The following SMG1 variants were observed in gnomAD, a reference collection of about 807,000 sequenced individuals.
SMG1 encodes serine/threonine-protein kinase SMG1.
A neutral mutation model predicts 419.9 loss-of-function variants in SMG1; 22 were observed. That is an observed-to-expected ratio of 0.05 (90% CI 0.04 to 0.07). The LOEUF (loss-of-function observed/expected upper bound fraction) is 0.07, where lower values mean the gene tolerates loss of function less well. Ranked by LOEUF, SMG1 falls within the 10% of genes least tolerant of loss-of-function variation. SMG1 has a pLI of 1.00. For missense variants in SMG1, 3,185 were observed against 4,342.0 expected (o/e 0.73, Z 7.49); for synonymous variants, 1,538 against 1,553.5 (o/e 0.99, Z 0.23).
At chr16:18,861,915 G>A (rs1358577303) in intron 25 of SMG1, among the ~76,000 whole-genome samples, 2 of 152,140 alleles carry the variant, frequency 1.3e-5, no homozygotes, top group African/African-American at 4.8e-5. Flanking sequence ...AAAGGTAAGG[G>A]CCAGTTAATC....
At chr16:18,894,427 G>A (rs2037024166) in intron 3 of SMG1, among the ~76,000 whole-genome samples, 1 of 152,070 alleles carries the variant, frequency 6.6e-6, no homozygotes, top group African/African-American at 2.4e-5. Context: ...TCTGTCACTA[G>A]CAAACTACAT....
At chr16:18,867,272 G>A (rs1190774630) in intron 22 of SMG1, among the ~76,000 whole-genome samples, 1 of 152,152 alleles carries the variant, frequency 6.6e-6, no homozygotes, top group Non-Finnish European at 1.5e-5. Context: ...AGTAGCTCAT[G>A]CCTGTAATCC....
intron 31 of SMG1, 46 bp downstream of exon 31, chr16:18,853,537 T>C (rs1596525566): frequency 1.4e-6 from 2 of 1,430,574 alleles, no homozygotes; most frequent in Admixed American, 2.8e-5. Flanking sequence ...CAGAAAAAAA[T>C]ATAGCTTCTA....
In SMG1 at chr16:18,836,513, G is replaced by A. The variant is rs781090827; in HGVS notation, c.7624C>T (p.Leu2542=). The A allele has an allele frequency of 1.2e-6, 2 of 1,613,912 alleles. No homozygotes were observed. Among genetic ancestry groups the A allele is most frequent in the South Asian group, 1.1e-5 (1 of 91,064 alleles). Residue 2542 remains leucine, a synonymous_variant, in exon 47 of 63, where the codon CTA becomes TTA. Coordinates refer to ENST00000446231, the MANE Select transcript of SMG1 (RefSeq NM_015092.5). The part of the protein sequence containing the change: ...LQHRYSEHTQ[L]QTQQRAVQEA... The stretch of plus-strand genomic sequence containing the variant: ...TGAACAGCTCTTTGCTGAGTCTGTA[G>A]TTGGGTGTGCTCAGAATACCTAATC...
At position 18,806,219 on chromosome 16, in the gene SMG1, A is replaced by T. The variant is rs1477474539; in HGVS notation, c.*3350T>A. 2 of 152,644 alleles carry T rather than the reference A, an allele frequency of 1.3e-5. No individual in the cohort carries two copies. Among genetic ancestry groups the T allele is most frequent in the Non-Finnish European group, 2.9e-5 (2 of 68,032 alleles). 9.5% of individuals were successfully genotyped at this position (152,644 alleles called of 1,614,324 possible). On this transcript the variant is annotated 3_prime_UTR_variant, in exon 63 of 63. Coordinates refer to ENST00000446231, the MANE Select transcript of SMG1 (RefSeq NM_015092.5). ...ACCACAATTAAAAAAACAAAAAACA[A>T]TGCAGATAACACCAAACATTGGACA...
intron 51 of SMG1, among the ~76,000 whole-genome samples, chr16:18,831,185 TTTC>T (rs1319576252): frequency 1.3e-5 from 2 of 152,234 alleles, no homozygotes; most frequent in Non-Finnish European, 2.9e-5. Context: ...CCAGGCACTA[TTTC>T]TTATCACACA....
rs544493975 is a variant in SMG1 at position 18,811,415 on chromosome 16, C to T, written c.10908+346G>A. Among the ~76,000 whole-genome samples the T allele has an allele frequency of 2.2e-3, 335 of 152,240 alleles. 1 individual carries two copies. The highest frequency in any genetic ancestry group is 7.8e-3 in the African/African-American group (325 of 41,538). On this transcript the variant is annotated intron_variant, in intron 62 of 62. Transcript: ENST00000446231. ...GCATATGAGTTTCTAATTAGGGATG[C>T]TCCACTCATACTACACCTGCAACCC...
At chr16:18,873,034 A>T (rs2035909861) in intron 13 of SMG1, among the ~76,000 whole-genome samples, 1 of 151,970 alleles carries the variant, frequency 6.6e-6, no homozygotes, top group Non-Finnish European at 1.5e-5. Flanking sequence ...TACACTTGTA[A>T]TCCCAGCTAC....
intron 7 of SMG1, 84 bp downstream of exon 7, chr16:18,885,457 T>C: frequency 2.6e-6 from 4 of 1,525,662 alleles, no homozygotes; most frequent in South Asian, 2.2e-5. Context: ...GCTGAGGCAT[T>C]GTTTTCCATC....
Position 18,858,290 on chromosome 16 carries a change from C to A in SMG1, c.4114G>T (p.Asp1372Tyr). 6.3e-6 allele frequency: 10 copies of A among 1,579,792 alleles called. No homozygotes were observed. The highest frequency in any genetic ancestry group is 8.5e-6 in the Non-Finnish European group (10 of 1,170,598). The change falls in exon 29 of 63, where the codon GAC becomes TAC. Residue 1372 changes from aspartate to tyrosine, a missense_variant and splice_region_variant. Asp to Tyr is a radical substitution (Grantham distance 160, BLOSUM62 -3). Coordinates refer to ENST00000446231, the MANE Select transcript of SMG1 (RefSeq NM_015092.5). ...TCACTGAAGAGTGGAATAAGACAGT[C>A]CTGCCAGAGAAAAACCAAAATTACT... The part of the protein sequence containing the change: ...NTVSNRLSTE[D>Y]CLIPLFSEAL...
intron 1 of SMG1, among the ~76,000 whole-genome samples, chr16:18,920,046 G>A (rs1375554897): frequency 2.0e-5 from 3 of 151,792 alleles, no homozygotes; most frequent in Admixed American, 6.6e-5. Flanking sequence ...AGCCAAGATC[G>A]TGCCACTGCA....
chr16:18,881,281 T>G (rs1221891315), intron 10 of SMG1, among the ~76,000 whole-genome samples: 1 of 152,094 alleles, frequency 6.6e-6, no homozygotes, highest in Non-Finnish European at 1.5e-5. Flanking sequence ...CTCTGTACAG[T>G]CTTCAAACAA....
At chr16:18,837,172 C>T in intron 46 of SMG1, 81 bp downstream of exon 46, 2 of 1,222,582 alleles carry the variant, frequency 1.6e-6, no homozygotes, top group South Asian at 1.8e-5. Context: ...TACAATAATT[C>T]TAATCCATAT....
In SMG1 at chr16:18,892,234, T is replaced by C; in HGVS notation, c.533A>G (p.Gln178Arg). 2 of 1,549,056 alleles carry C rather than the reference T, an allele frequency of 1.3e-6. No individual in the cohort carries two copies. Among genetic ancestry groups the C allele is most frequent in the Non-Finnish European group, 1.7e-6 (2 of 1,144,926 alleles). Residue 178 changes from glutamine (Q) to arginine (R), a missense_variant, in exon 4 of 63, where the codon CAA becomes CGA. Physicochemically the swap from Gln to Arg is conservative, Grantham distance 43. Around this residue, in one of 27 missense-constraint regions of SMG1, gnomAD observed 20 missense variants for 54.7 expected, o/e 0.37. Coordinates refer to ENST00000446231, the MANE Select transcript of SMG1 (RefSeq NM_015092.5). The part of the protein sequence containing the change: ...TVKQLKEFIQ[Q>R]PENKLVLVKQ... ...TATACTTACCAGCTTATTTTCTGGT[T>C]GCTGAATAAATTCTTTCAACTGCTT... is the stretch of plus-strand genomic sequence containing the variant.
chr16:18,907,633 A>G (rs1378124835), intron 1 of SMG1, among the ~76,000 whole-genome samples: 1 of 152,074 alleles, frequency 6.6e-6, no homozygotes, highest in Non-Finnish European at 1.5e-5. Context: ...GCGGATCATG[A>G]GGTCAGGAGT....
chr16:18,902,566 G>A (rs1449477808), intron 1 of SMG1, among the ~76,000 whole-genome samples: 1 of 152,048 alleles, frequency 6.6e-6, no homozygotes, highest in Non-Finnish European at 1.5e-5. Flanking sequence ...CAGGCGAGGT[G>A]GTATGCGCCC....
intron 45 of SMG1, among the ~76,000 whole-genome samples, chr16:18,837,793 A>C (rs1482739590): frequency 6.6e-6 from 1 of 152,224 alleles, no homozygotes; most frequent in Admixed American, 6.5e-5. Context: ...TCAAATCATG[A>C]ACCCACCTCT....
At chr16:18,837,913 G>A in intron 45 of SMG1, 101 bp downstream of exon 45, 1 of 1,299,168 alleles carries the variant, frequency 7.7e-7, no homozygotes, top group Non-Finnish European at 1.1e-6. Flanking sequence ...CATTAGTTTT[G>A]CCAAAAAAAT....
At chr16:18,873,506 G>A (rs2035938577) in intron 13 of SMG1, among the ~76,000 whole-genome samples, 1 of 152,202 alleles carries the variant, frequency 6.6e-6, no homozygotes, top group African/African-American at 2.4e-5. Flanking sequence ...GTGAACCACT[G>A]CGCCCAGCCC....
Sources: allele counts gnomAD v4.1 joint callset (sites outside exome capture counted in the v4.1 genomes callset), GRCh38; gene constraint gnomAD v4.1.1; regional missense constraint gnomAD v4.1.1; transcripts MANE v1.5; gene names NCBI Gene and HGNC (gene_info 2026-07-23, HGNC 2026-07-21).